Variants in CENPI observed in about 807,000 individuals in gnomAD.
CENPI encodes FSH primary response 1.
A neutral mutation model predicts 60.4 loss-of-function variants in CENPI; 4 were observed. The ratio of observed to expected loss-of-function variants is 0.07; its 90% CI spans 0.03 to 0.15. CENPI has a LOEUF of 0.15. CENPI is among the 10% of genes least tolerant of loss of function. CENPI has a pLI of 1.00. For missense variants in CENPI, 444 were observed against 534.5 expected (o/e 0.83, Z 1.67); for synonymous variants, 157 against 189.4 (o/e 0.83, Z 1.40).
intron 4 of CENPI, among the ~76,000 whole-genome samples, chrX:101,108,649 T>TG (rs201892324): frequency 2.8e-5 from 1 of 35,570 alleles, no homozygotes; most frequent in Non-Finnish European, 6.7e-5. Flanking sequence ...TGCCTTATAG[T>TG]TTTTTTTTTT....
chrX:101,124,420 T>G (rs2089713299), intron 8 of CENPI, among the ~76,000 whole-genome samples: 1 of 111,336 alleles, frequency 9.0e-6, no homozygotes, highest in Admixed American at 9.7e-5. Flanking sequence ...TTTGCTTTAT[T>G]CAAAGTCTAC....
intron 6 of CENPI, among the ~76,000 whole-genome samples, chrX:101,113,561 CG>C (rs200066523): frequency 0.04 from 4,435 of 111,093 alleles, 90 homozygotes; most frequent in Admixed American, 0.092. Flanking sequence ...CCGCCTGCCT[CG>C]GCCTCCCAAA....
chrX:101,181,051 C>G, the CENPI span, among the ~76,000 whole-genome samples: 1 of 111,622 alleles, frequency 9.0e-6, no homozygotes, highest in African/African-American at 3.2e-5. Context: ...GTTGAAAAGG[C>G]TATTCTTACC....
At chrX:101,102,855 ATTT>A (rs777790665) in intron 4 of CENPI, among the ~76,000 whole-genome samples, 1 of 81,502 alleles carries the variant, frequency 1.2e-5, no homozygotes. Flanking sequence ...AATTTTTTGT[ATTT>A]TTTTTTTTTT....
At chrX:101,109,778 C>A in intron 5 of CENPI, 113 bp from the exon 6 acceptor site, 1 of 589,418 alleles carries the variant, frequency 1.7e-6, no homozygotes. Flanking sequence ...TATTATTCTA[C>A]TTTGTGCCTG....
rs150287797 is a variant in CENPI at position 101,109,491 on chromosome X, G to A, written c.383G>A (p.Arg128Gln). Residue 128 changes from arginine (R) to glutamine (Q), a missense_variant, in exon 5 of 22, where the codon CGG becomes CAG. Arg to Gln is a conservative substitution (Grantham distance 43). Transcript: ENST00000682095. ...TTTCCAGGAAATGCTGTAAACACACGGATATTGAAGTGCATGATCCCAGCA... is the reference window on the plus strand; with the variant it reads ...TTTCCAGGAAATGCTGTAAACACACAGATATTGAAGTGCATGATCCCAGCA... ...SGKFGNAVNT[R>Q]ILKCMIPATV... 14 of 1,201,679 alleles carry A rather than the reference G, an allele frequency of 1.2e-5. No individual in the cohort carries two copies. The highest frequency in any genetic ancestry group is 4.6e-4 in the Middle Eastern group (2 of 4,359).
chrX:101,163,082 G>A lies in CENPI; in HGVS notation c.*115G>A. ...TCACTGACAGACTGCCATCCTCAAG[G>A]AGTACTCAGACTGGCCTTCTGTTCA... On this transcript the variant is annotated 3_prime_UTR_variant, in exon 22 of 22. Transcript: ENST00000682095. 1.3e-6 allele frequency: 1 copy of A among 782,724 alleles called. No individual in the cohort carries two copies. The highest frequency in any genetic ancestry group is 1.9e-6 in the Non-Finnish European group (1 of 532,416). The allele number at this position is 782,724 out of a possible 1,213,427, so 64.5% of individuals were successfully genotyped here. A position where few individuals can be genotyped will look rare whatever the true frequency, so the allele number is the denominator to read the frequency against.
At chrX:101,144,384 GA>G (rs898129140) in intron 16 of CENPI, among the ~76,000 whole-genome samples, 5 of 92,623 alleles carry the variant, frequency 5.4e-5, no homozygotes, top group African/African-American at 2.0e-4. Context: ...CACCTCGCCT[GA>G]ATTTTTTTTT....
chrX:101,146,034 G>A (rs1418654110), intron 17 of CENPI, 119 bp from the exon 18 acceptor site: 4 of 552,812 alleles, frequency 7.2e-6, no homozygotes, highest in Middle Eastern at 4.7e-4. Context: ...TAGGAGTCAG[G>A]CATGTCCAAA....
chrX:101,155,432 C>T (rs1042709988), intron 20 of CENPI, among the ~76,000 whole-genome samples: 2 of 111,430 alleles, frequency 1.8e-5, no homozygotes, highest in Admixed American at 9.6e-5. Context: ...TCAGGTGATC[C>T]GCCCACCTCG....
rs1483356706 is a variant in CENPI at position 101,163,969 on chromosome X, A to G, written c.*1002A>G. Among the ~76,000 whole-genome samples, 3 of 108,341 alleles carry G rather than the reference A, an allele frequency of 2.8e-5. No homozygotes were observed. Among genetic ancestry groups the G allele is most frequent in the Non-Finnish European group, 5.7e-5 (3 of 52,200 alleles). The allele number at this position is 108,341 out of a possible 115,157, so 94.1% of individuals were successfully genotyped here. Reference sequence around the variant, plus strand: ...AGAATCGCTTGAACCCGGGAGGCGGAGGTTGCAGTGAGCCAAGATCGCGCC... The same window carrying G: ...AGAATCGCTTGAACCCGGGAGGCGGGGGTTGCAGTGAGCCAAGATCGCGCC... On this transcript the variant is annotated 3_prime_UTR_variant, in exon 22 of 22. Coordinates refer to ENST00000682095, the MANE Select transcript of CENPI (RefSeq NM_001386188.2).
intron 6 of CENPI, among the ~76,000 whole-genome samples, chrX:101,111,278 G>A (rs2089550545): frequency 9.0e-6 from 1 of 111,280 alleles, no homozygotes; most frequent in Non-Finnish European, 1.9e-5. Flanking sequence ...ATAACATGAT[G>A]TCCTAGACAA....
chrX:101,114,444 C>T (rs770724245), intron 6 of CENPI, among the ~76,000 whole-genome samples: 7 of 111,456 alleles, frequency 6.3e-5, no homozygotes, highest in African/African-American at 1.6e-4. Context: ...AAAGAAACCC[C>T]ACACCCTTTG....
Position 101,107,146 on chromosome X carries a change from ATATTTT to A in CENPI, c.365-2324_365-2319del, listed in dbSNP as rs746361546. Among the ~76,000 whole-genome samples the A allele has an allele frequency of 6.2e-4, 67 of 107,265 alleles. 1 individual carries two copies. The highest frequency in any genetic ancestry group is 2.0e-3 in the South Asian group (5 of 2,456). 93.1% of individuals were successfully genotyped at this position (107,265 alleles called of 115,157 possible). A position where few individuals can be genotyped will look rare whatever the true frequency, so the allele number is the denominator to read the frequency against. ...GGGTGAGTGGATGGTACAAATATATATATTTTTAATTTTATATTTATGTTTTTATTT... is the reference window on the plus strand; with the variant it reads ...GGGTGAGTGGATGGTACAAATATATATAATTTTATATTTATGTTTTTATTT... On this transcript the variant is annotated intron_variant, in intron 4 of 21. Coordinates refer to ENST00000682095, the MANE Select transcript of CENPI (RefSeq NM_001386188.2).
In CENPI at chrX:101,140,507, T is replaced by C. The variant is rs891906961; in HGVS notation, c.1471-159T>C. On this transcript the variant is annotated intron_variant, in intron 15 of 21. Coordinates refer to ENST00000682095, the MANE Select transcript of CENPI (RefSeq NM_001386188.2). The stretch of plus-strand genomic sequence containing the variant: ...AATAAACTTGTACTTGGCATTCGTC[T>C]GTCTTCTGGAGACTAATCATGGTGT... 3.6e-5 allele frequency among the ~76,000 whole-genome samples: 4 copies of C among 112,637 alleles called. No homozygotes were observed. The East Asian group carries it at 1.1e-3, about 31-fold the overall frequency.
intron 16 of CENPI, among the ~76,000 whole-genome samples, chrX:101,144,503 C>T (rs2089946531): frequency 9.2e-6 from 1 of 108,702 alleles, no homozygotes; most frequent in Admixed American, 1.0e-4. Flanking sequence ...CCCACCTCAG[C>T]GTCTTGAGTA....
At chrX:101,113,015 G>C in intron 6 of CENPI, among the ~76,000 whole-genome samples, 1 of 107,631 alleles carries the variant, frequency 9.3e-6, no homozygotes, top group East Asian at 2.9e-4. Context: ...ATTGACCGTA[G>C]TTTCTTTCCT....
Position 101,162,942 on chromosome X carries a change from G to A in CENPI, c.2246G>A (p.Gly749Asp), listed in dbSNP as rs1402790998. 1 of 1,207,745 alleles carries A rather than the reference G, an allele frequency of 8.3e-7. No homozygotes were observed. The highest frequency in any genetic ancestry group is 1.8e-5 in the South Asian group (1 of 56,483). ...VHHSSIPRAE[G>D]INCNNQY Reference sequence around the variant, plus strand: ...CATTCTTCCATTCCCAGAGCAGAGGGCATAAACTGCAACAATCAATATTAA... The same window carrying A: ...CATTCTTCCATTCCCAGAGCAGAGGACATAAACTGCAACAATCAATATTAA... The change falls in exon 22 of 22, where the codon GGC becomes GAC. Residue 749 changes from glycine to aspartate, a missense_variant. Coordinates refer to ENST00000682095, the MANE Select transcript of CENPI (RefSeq NM_001386188.2).
chrX:101,113,878 T>A (rs181450017), intron 6 of CENPI, among the ~76,000 whole-genome samples: 88 of 112,387 alleles, frequency 7.8e-4, no homozygotes, highest in Middle Eastern at 4.6e-3. Flanking sequence ...TTGACAATAT[T>A]ATTCCACTGG....
Sources: gnomAD v4.1 joint callset for allele counts (sites outside exome capture counted in the v4.1 genomes callset) on GRCh38, gnomAD v4.1.1 for gene constraint, MANE v1.5 for transcripts, NCBI Gene and HGNC (gene_info 2026-07-23, HGNC 2026-07-21) for gene names.